SLC25A48: variants seen among roughly 807,000 people sequenced by gnomAD.
The protein encoded by SLC25A48 is CTC-321K16.1.
A neutral mutation model predicts 32.2 loss-of-function variants in SLC25A48; 29 were observed. The observed-to-expected ratio is 0.90, with a 90% CI of 0.67 to 1.23. The LOEUF (loss-of-function observed/expected upper bound fraction) is 1.23, where lower values mean the gene tolerates loss of function less well. SLC25A48 is among the 50% of genes most tolerant of loss of function. The pLI is 0.00. For synonymous variants in SLC25A48, 164 were observed against 172.3 expected (o/e 0.95, Z 0.38); for missense variants, 399 against 422.7 (o/e 0.94, Z 0.49).
chr5:135,774,651 C>T (rs551193620), intron 3 of SLC25A48, among the ~76,000 whole-genome samples: 2 of 151,518 alleles, frequency 1.3e-5, no homozygotes, highest in East Asian at 3.9e-4. Flanking sequence ...ATCAATATCC[C>T]AAAAAGTGTA....
chr5:135,871,980 C>G (rs1013205137), intron 5 of SLC25A48: 6 of 1,353,922 alleles, frequency 4.4e-6, no homozygotes, highest in African/African-American at 2.9e-5. Flanking sequence ...CTGTGTCAGG[C>G]ATTACTAAGC....
At chr5:135,654,302 C>A (rs908041564) in intron 3 of SLC25A48, among the ~76,000 whole-genome samples, 1 of 152,188 alleles carries the variant, frequency 6.6e-6, no homozygotes, top group Non-Finnish European at 1.5e-5. Flanking sequence ...GGTCTTGCAA[C>A]CAGCCGTAGC....
intron 2 of SLC25A48, among the ~76,000 whole-genome samples, chr5:135,847,903 C>T (rs560581830): frequency 1.3e-5 from 2 of 152,314 alleles, no homozygotes; most frequent in East Asian, 3.9e-4. Context: ...TAATTTGTTA[C>T]AGCAGCAATA....
At chr5:135,779,142 C>A (rs186933952) in intron 3 of SLC25A48, among the ~76,000 whole-genome samples, 5 of 151,746 alleles carry the variant, frequency 3.3e-5, no homozygotes, top group African/African-American at 9.7e-5. Flanking sequence ...GAAGCGTACA[C>A]CCACCCCCTC....
intron 3 of SLC25A48, among the ~76,000 whole-genome samples, chr5:135,707,219 G>A (rs2126971120): frequency 6.6e-6 from 1 of 152,262 alleles, no homozygotes; most frequent in East Asian, 1.9e-4. Context: ...CACGGCCTGT[G>A]GACTACTGAA....
chr5:135,825,226 T>C (rs1758005910), intron 4 of SLC25A48: 1 of 152,188 alleles, frequency 6.6e-6, no homozygotes, highest in Non-Finnish European at 1.5e-5. Flanking sequence ...TTAATCCTAA[T>C]AGTAATCCTA....
chr5:135,592,579 A>G (rs748204698), intron 1 of SLC25A48, among the ~76,000 whole-genome samples: 19 of 152,178 alleles, frequency 1.2e-4, no homozygotes, highest in Non-Finnish European at 2.4e-4. Flanking sequence ...ATCTCTTGGA[A>G]AAGGAAAGTG....
intron 3 of SLC25A48, among the ~76,000 whole-genome samples, chr5:135,787,518 T>C (rs1756879800): frequency 6.6e-6 from 1 of 152,088 alleles, no homozygotes; most frequent in African/African-American, 2.4e-5. Flanking sequence ...ACCTGTTATA[T>C]TATTTGTTAT....
At chr5:135,669,408 G>C (rs1389312739) in intron 3 of SLC25A48, among the ~76,000 whole-genome samples, 1 of 152,114 alleles carries the variant, frequency 6.6e-6, no homozygotes, top group African/African-American at 2.4e-5. Flanking sequence ...GTGATGCCAG[G>C]AAGCACCTAT....
In SLC25A48 at chr5:135,689,758, C is replaced by T. The variant is rs114958925; in HGVS notation, c.-521+54802C>T. 8.8e-3 allele frequency among the ~76,000 whole-genome samples: 1,346 copies of T among 152,184 alleles called. 20 individuals are homozygous for T. Among genetic ancestry groups the T allele is most frequent in the African/African-American group, 0.031 (1,272 of 41,510 alleles). On this transcript the variant is annotated intron_variant, in intron 3 of 10. Transcript: ENST00000646290. Reference sequence around the variant, plus strand: ...ACGCTGAATTGTGCAAGACATTTCCCGAAAATAGCTTACAAGAGCAACCCA... The same window carrying T: ...ACGCTGAATTGTGCAAGACATTTCCTGAAAATAGCTTACAAGAGCAACCCA...
chr5:135,746,071 G>A (rs1199017374), intron 3 of SLC25A48, among the ~76,000 whole-genome samples: 1 of 152,078 alleles, frequency 6.6e-6, no homozygotes, highest in African/African-American at 2.4e-5. Context: ...CTCATTTCAA[G>A]CTCCGCCCTC....
chr5:135,771,571 G>A (rs1219248927), intron 3 of SLC25A48, among the ~76,000 whole-genome samples: 1 of 151,348 alleles, frequency 6.6e-6, no homozygotes, highest in Non-Finnish European at 1.5e-5. Context: ...CCTGTGATAT[G>A]GTTCCTAATA....
chr5:135,788,757 G>A (rs114354240), intron 3 of SLC25A48, among the ~76,000 whole-genome samples: 2,393 of 150,278 alleles, frequency 0.016, 67 homozygotes, highest in African/African-American at 0.055. Context: ...CATACGATCC[G>A]TAATATCCGT....
Position 135,681,624 on chromosome 5 carries a change from C to T in SLC25A48, c.-521+46668C>T, listed in dbSNP as rs147829926. 2.0e-3 allele frequency among the ~76,000 whole-genome samples: 310 copies of T among 152,182 alleles called. 2 individuals carry two copies. The highest frequency in any genetic ancestry group is 3.4e-3 in the Non-Finnish European group (233 of 68,018). ...CAATATGGTAATTTTTAATTGCTTG[C>T]CAGACATTGTTGATTTTACTGTGTT... is the stretch of plus-strand genomic sequence containing the variant. On this transcript the variant is annotated intron_variant, in intron 3 of 10. Transcript: ENST00000646290.
At chr5:135,643,457 G>A (rs889344318) in intron 3 of SLC25A48, among the ~76,000 whole-genome samples, 2 of 152,176 alleles carry the variant, frequency 1.3e-5, no homozygotes, top group East Asian at 3.9e-4. Flanking sequence ...TTGGTTCTTG[G>A]TGCCAAGATG....
At chr5:135,722,869 CT>C (rs1385585370) in intron 3 of SLC25A48, among the ~76,000 whole-genome samples, 1 of 152,236 alleles carries the variant, frequency 6.6e-6, no homozygotes, top group East Asian at 1.9e-4. Context: ...TGGGCTCAGG[CT>C]TTTCATCTCA....
At chr5:135,829,321 C>T (rs2126668932) in intron 4 of SLC25A48, among the ~76,000 whole-genome samples, 1 of 152,296 alleles carries the variant, frequency 6.6e-6, no homozygotes, top group Non-Finnish European at 1.5e-5. Context: ...CAAACCTCTC[C>T]AACCTGGGCT....
chr5:135,815,533 C>A (rs1048941123), intron 4 of SLC25A48, among the ~76,000 whole-genome samples: 1 of 152,190 alleles, frequency 6.6e-6, no homozygotes, highest in Non-Finnish European at 1.5e-5. Context: ...GAGCATCAAC[C>A]ACACAGAAAG....
intron 1 of SLC25A48, among the ~76,000 whole-genome samples, chr5:135,615,940 T>G (rs912609744): frequency 6.6e-6 from 1 of 152,224 alleles, no homozygotes; most frequent in African/African-American, 2.4e-5. Flanking sequence ...GCTTCAGCCA[T>G]GGCTCAAAGG....
Sources: gnomAD v4.1 joint callset for allele counts (sites outside exome capture counted in the v4.1 genomes callset) on GRCh38, gnomAD v4.1.1 for gene constraint, MANE v1.5 for transcripts, NCBI Gene and HGNC (gene_info 2026-07-23, HGNC 2026-07-21) for gene names.